CDK14: variants seen among roughly 807,000 people sequenced by gnomAD.
The protein encoded by CDK14 is cyclin-dependent kinase 14.
In CDK14, 34 loss-of-function variants were observed where a neutral mutation model predicts 60.7. The observed-to-expected ratio is 0.56, with a 90% CI of 0.43 to 0.75. The LOEUF (loss-of-function observed/expected upper bound fraction) is 0.75, where lower values mean the gene tolerates loss of function less well. Ranked by LOEUF, CDK14 falls within the 30% of genes least tolerant of loss-of-function variation. The pLI, the probability that CDK14 is intolerant of heterozygous loss-of-function variation, is 0.00. For missense variants in CDK14, 482 were observed against 564.1 expected (o/e 0.85, Z 1.47); for synonymous variants, 197 against 203.7 (o/e 0.97, Z 0.28).
chr7:91,079,350 T>A, intron 11 of CDK14, 82 bp from the exon 12 acceptor site: 1 of 910,468 alleles, frequency 1.1e-6, no homozygotes, highest in Non-Finnish European at 1.7e-6. Flanking sequence ...CACTCTTTTT[T>A]TAAAGTTGAA....
At chr7:91,024,153 A>G (rs370696898) in intron 10 of CDK14, among the ~76,000 whole-genome samples, 25 of 146,418 alleles carry the variant, frequency 1.7e-4, no homozygotes, top group African/African-American at 3.8e-4. Flanking sequence ...TGATGATGAT[A>G]ATGATGTCAG....
At chr7:90,854,339 C>A (rs958594339) in intron 5 of CDK14, among the ~76,000 whole-genome samples, 5 of 151,986 alleles carry the variant, frequency 3.3e-5, no homozygotes, top group African/African-American at 1.2e-4. Context: ...CATAGCAAAA[C>A]CTCATCTCTA....
intron 12 of CDK14, among the ~76,000 whole-genome samples, chr7:91,084,735 A>G (rs980213813): frequency 9.2e-5 from 14 of 152,188 alleles, no homozygotes; most frequent in Non-Finnish European, 1.8e-4. Context: ...GAAAATACCC[A>G]TCTTCTCTCT....
intron 11 of CDK14, among the ~76,000 whole-genome samples, chr7:91,063,253 G>T (rs986288631): frequency 6.6e-6 from 1 of 152,124 alleles, no homozygotes; most frequent in East Asian, 1.9e-4. Context: ...ACAAATGCAT[G>T]ACTATGGAAT....
chr7:90,913,008 A>G (rs1279250601), intron 7 of CDK14, among the ~76,000 whole-genome samples: 2 of 152,106 alleles, frequency 1.3e-5, no homozygotes, highest in Admixed American at 1.3e-4. Flanking sequence ...TGAGATTCCA[A>G]TGGTGTTTAC....
In CDK14 at chr7:91,033,753, C is replaced by G. The variant is rs866554534; in HGVS notation, c.1042-12144C>G. 3.9e-5 allele frequency among the ~76,000 whole-genome samples: 6 copies of G among 152,320 alleles called. No individual in the cohort carries two copies. The East Asian group carries it at 1.2e-3, about 29-fold the overall frequency. ...CTCCCTCCAGCCTCTGCAGCTTCCA[C>G]CCTTGGGCTGCTGCACGTGCACGTA... is the stretch of plus-strand genomic sequence containing the variant. On this transcript the variant is annotated intron_variant, in intron 10 of 14. Coordinates refer to ENST00000380050, the MANE Select transcript of CDK14 (RefSeq NM_001287135.2).
At chr7:90,617,843 C>T (rs1320662973) in intron 2 of CDK14, among the ~76,000 whole-genome samples, 2 of 151,982 alleles carry the variant, frequency 1.3e-5, no homozygotes, top group Non-Finnish European at 2.9e-5. Flanking sequence ...GCTCTGTAGT[C>T]AATGAAGATT....
At chr7:91,080,188 CTG>C (rs759362143) in intron 12 of CDK14, among the ~76,000 whole-genome samples, 2 of 152,144 alleles carry the variant, frequency 1.3e-5, no homozygotes, top group Non-Finnish European at 2.9e-5. Flanking sequence ...ATTAAATAAA[CTG>C]TAATTTGTCA....
chr7:91,182,115 T>C (rs1584183304), intron 14 of CDK14, among the ~76,000 whole-genome samples: 1 of 152,274 alleles, frequency 6.6e-6, no homozygotes, highest in East Asian at 1.9e-4. Flanking sequence ...CACTGGAAAT[T>C]ATGGCTAATG....
intron 1 of CDK14, among the ~76,000 whole-genome samples, chr7:90,603,546 A>G (rs1799358117): frequency 6.6e-6 from 1 of 152,218 alleles, no homozygotes. Context: ...TGACATTTGC[A>G]CAATGAAATT....
At chr7:90,803,595 G>C (rs1377552683) in intron 5 of CDK14, among the ~76,000 whole-genome samples, 1 of 152,140 alleles carries the variant, frequency 6.6e-6, no homozygotes, top group South Asian at 2.1e-4. Context: ...GGGGAGGCAG[G>C]TGGAGTATAA....
chr7:90,912,514 G>A (rs977729236), intron 7 of CDK14, among the ~76,000 whole-genome samples: 7 of 152,174 alleles, frequency 4.6e-5, no homozygotes, highest in Non-Finnish European at 7.4e-5. Flanking sequence ...CATCTTTAGA[G>A]CTTTAGTTTT....
intron 4 of CDK14, among the ~76,000 whole-genome samples, chr7:90,752,035 A>G (rs1016452166): frequency 6.6e-6 from 1 of 152,192 alleles, no homozygotes; most frequent in Non-Finnish European, 1.5e-5. Flanking sequence ...TGAAACAATT[A>G]CTTGTAGACC....
At chr7:91,014,034 T>C (rs3808290) in intron 10 of CDK14, among the ~76,000 whole-genome samples, 37,071 of 151,910 alleles carry the variant, frequency 0.24, 4,839 homozygotes, top group Middle Eastern at 0.28. Flanking sequence ...TTTTATTAGT[T>C]GTCAAGGTAT....
At chr7:91,004,201 A>T (rs1795917833) in intron 10 of CDK14, among the ~76,000 whole-genome samples, 1 of 152,228 alleles carries the variant, frequency 6.6e-6, no homozygotes, top group Non-Finnish European at 1.5e-5. Context: ...AACCAGTAGA[A>T]AACTGCGATG....
At chr7:91,039,074 T>A (rs970162310) in intron 10 of CDK14, among the ~76,000 whole-genome samples, 3 of 144,148 alleles carry the variant, frequency 2.1e-5, no homozygotes, top group Non-Finnish European at 4.4e-5. Flanking sequence ...TTACACACAC[T>A]CTCTTCTGTC....
At chr7:91,132,590 A>AT (rs917734020) in intron 14 of CDK14, among the ~76,000 whole-genome samples, 3 of 152,028 alleles carry the variant, frequency 2.0e-5, no homozygotes, top group Admixed American at 2.0e-4. Flanking sequence ...AGGAAGATGT[A>AT]TTTTTTTTCT....
At position 91,027,760 on chromosome 7, in the gene CDK14, CTCT is replaced by C. The variant is rs1562873940; in HGVS notation, c.1042-18136_1042-18134del. ...TGGGCTTTAGTGGTGAAATCTGGGCCTCTCCTCTCCCCTCCCCTCCCCTCCCCT... is the reference window on the plus strand; with the variant it reads ...TGGGCTTTAGTGGTGAAATCTGGGCCCCTCTCCCCTCCCCTCCCCTCCCCT... On this transcript the variant is annotated intron_variant, in intron 10 of 14. Transcript: ENST00000380050. Among the ~76,000 whole-genome samples the C allele has an allele frequency of 3.0e-4, 19 of 64,052 alleles. 2 individuals are homozygous for C. The highest frequency in any genetic ancestry group is 3.7e-4 in the Non-Finnish European group (12 of 32,842). 42.0% of individuals were successfully genotyped at this position (64,052 alleles called of 152,430 possible). A position where few individuals can be genotyped will look rare whatever the true frequency, so the allele number is the denominator to read the frequency against.
chr7:90,625,564 T>C (rs1799860318), intron 2 of CDK14, among the ~76,000 whole-genome samples: 2 of 152,266 alleles, frequency 1.3e-5, no homozygotes, highest in Non-Finnish European at 2.9e-5. Context: ...TTAAATGTAG[T>C]ATTTTAAATG....
Sources: gnomAD v4.1 joint callset for allele counts (sites outside exome capture counted in the v4.1 genomes callset) on GRCh38, gnomAD v4.1.1 for gene constraint, MANE v1.5 for transcripts, NCBI Gene and HGNC (gene_info 2026-07-23, HGNC 2026-07-21) for gene names.